Variants in RABGAP1 observed in about 807,000 individuals in gnomAD.
RABGAP1 encodes the protein RAB GTPase activating protein 1.
RABGAP1 carries 23 observed loss-of-function variants against 137.6 expected under a neutral mutation model. That is an observed-to-expected ratio of 0.17 (90% CI 0.12 to 0.24). RABGAP1 has a LOEUF of 0.24. RABGAP1 is among the 10% of genes least tolerant of loss of function. The probability of loss-of-function intolerance (pLI) is 1.00; values close to 1 mark genes in which losing one functional copy is unlikely to be tolerated. For missense variants in RABGAP1, 906 were observed against 1,275.8 expected, an observed-to-expected ratio of 0.71 and a Z score of 4.42; for synonymous variants, 451 against 450.7, an observed-to-expected ratio of 1.00 and a Z score of -0.01.
intron 13 of RABGAP1, among the ~76,000 whole-genome samples, chr9:123,041,367 T>A (rs923834201): frequency 1.3e-5 from 2 of 152,220 alleles, no homozygotes; most frequent in Non-Finnish European, 2.9e-5. Flanking sequence ...ATCAGGTAGT[T>A]ATTTTGAATT....
intron 2 of RABGAP1, among the ~76,000 whole-genome samples, chr9:122,974,223 C>T (rs1336853373): frequency 6.6e-6 from 1 of 151,704 alleles, no homozygotes; most frequent in Non-Finnish European, 1.5e-5. Flanking sequence ...TAATTGTTGC[C>T]TAAAGAAGAA....
chr9:123,037,810 A>G (rs999617021), intron 13 of RABGAP1, among the ~76,000 whole-genome samples: 5 of 152,096 alleles, frequency 3.3e-5, no homozygotes, highest in African/African-American at 1.2e-4. Flanking sequence ...TCTGTGTGAT[A>G]TATTTGGAAA....
intron 10 of RABGAP1, among the ~76,000 whole-genome samples, chr9:123,002,396 T>C (rs1837370974): frequency 6.7e-6 from 1 of 149,094 alleles, no homozygotes; most frequent in African/African-American, 2.4e-5. Context: ...GGCCTGAGAA[T>C]AGTTATATAA....
chr9:122,937,789 C>G (rs773790585), upstream of RABGAP1: 1 of 152,218 alleles, frequency 6.6e-6, no homozygotes, highest in Non-Finnish European at 1.5e-5. Flanking sequence ...GTCAGGAGTT[C>G]GAGACCAGCC....
rs1273818695 is a variant in RABGAP1, at chr9:123,070,998, C to A, written c.1983+574C>A. On this transcript the variant is annotated intron_variant, in intron 15 of 25. Transcript: ENST00000373647. This position sits in a 1 kb window ranked among gnomAD's most constrained non-coding sequence, Gnocchi z 4.4. ...TTTTTCTCTTTTCTGCATAAACACA[C>A]ATTTTCTTTTTTACTTAAATTGTTT... 6.6e-6 allele frequency among the ~76,000 whole-genome samples: 1 copy of A among 152,140 alleles called. No individual in the cohort carries two copies.
In RABGAP1 at chr9:123,048,794, C is replaced by G. The variant is rs932686157; in HGVS notation, c.1795-16554C>G. ...TCAGGTAACAGTACTTGAGTATTTC[C>G]TGCTTCTTGGGCCTCTCCATGATGG... is the stretch of plus-strand genomic sequence containing the variant. On this transcript the variant is annotated intron_variant, in intron 13 of 25. Transcript: ENST00000373647. Among the ~76,000 whole-genome samples the G allele has an allele frequency of 1.4e-4, 21 of 152,086 alleles. 2 individuals are homozygous for G.
intron 19 of RABGAP1, among the ~76,000 whole-genome samples, chr9:123,079,956 G>A (rs559566075): frequency 1.4e-4 from 22 of 152,224 alleles, no homozygotes; most frequent in South Asian, 4.1e-4. Flanking sequence ...ACAGGATCTC[G>A]CTTATAAATA....
the RABGAP1 span, among the ~76,000 whole-genome samples, chr9:122,935,437 A>T: frequency 1.3e-5 from 2 of 151,992 alleles, no homozygotes; most frequent in African/African-American, 4.8e-5. Context: ...TCCCGGGTTC[A>T]ATTGATTCTC....
chr9:123,015,753 A>G (rs1307039901), intron 12 of RABGAP1, 117 bp downstream of exon 12: 1 of 611,422 alleles, frequency 1.6e-6, no homozygotes, highest in Non-Finnish European at 2.8e-6. Context: ...CAATGTTTGC[A>G]TTCTGTGATC....
intron 13 of RABGAP1, among the ~76,000 whole-genome samples, chr9:123,057,595 C>T (rs1057097340): frequency 6.6e-6 from 1 of 151,730 alleles, no homozygotes; most frequent in Non-Finnish European, 1.5e-5. Context: ...AGGGGCTCCT[C>T]ACATCCCAGA....
At chr9:123,010,905 G>A (rs543755629) in intron 11 of RABGAP1, among the ~76,000 whole-genome samples, 1 of 151,796 alleles carries the variant, frequency 6.6e-6, no homozygotes, top group Admixed American at 6.6e-5. Flanking sequence ...AATGTGGCTT[G>A]CACACATGAC....
At chr9:123,023,502 A>G (rs185667109) in intron 13 of RABGAP1, among the ~76,000 whole-genome samples, 72 of 152,248 alleles carry the variant, frequency 4.7e-4, no homozygotes, top group African/African-American at 1.7e-3. Flanking sequence ...ATTTAAATGC[A>G]TTTATACAGT....
At chr9:123,046,349 G>A (rs981745965) in intron 13 of RABGAP1, among the ~76,000 whole-genome samples, 2 of 152,170 alleles carry the variant, frequency 1.3e-5, no homozygotes, top group African/African-American at 4.8e-5. Flanking sequence ...GTCTTATGCA[G>A]AAAATACAAT....
intron 13 of RABGAP1, among the ~76,000 whole-genome samples, chr9:123,055,144 T>C (rs1265396195): frequency 6.6e-6 from 1 of 152,240 alleles, no homozygotes; most frequent in Non-Finnish European, 1.5e-5. Context: ...CCTCCATTTA[T>C]TTATTCAATC....
At chr9:123,043,024 A>C (rs2033026450) in intron 13 of RABGAP1, among the ~76,000 whole-genome samples, 1 of 152,310 alleles carries the variant, frequency 6.6e-6, no homozygotes, top group Non-Finnish European at 1.5e-5. Flanking sequence ...TAATAGCTTC[A>C]GAATTTTGAG....
At chr9:123,075,375 A>G (rs2034479000) in intron 17 of RABGAP1, among the ~76,000 whole-genome samples, 1 of 152,164 alleles carries the variant, frequency 6.6e-6, no homozygotes, top group South Asian at 2.1e-4. Flanking sequence ...TTTAAATTTC[A>G]TATACTTGAA....
At chr9:122,993,402 G>A (rs1287091858) in intron 6 of RABGAP1, among the ~76,000 whole-genome samples, 3 of 152,020 alleles carry the variant, frequency 2.0e-5, no homozygotes, top group Admixed American at 2.0e-4. Context: ...CTCCCGAGTA[G>A]CTGGAATTAT....
chr9:123,034,804 G>A, intron 13 of RABGAP1: 1 of 1,613,918 alleles, frequency 6.2e-7, no homozygotes, highest in Non-Finnish European at 8.5e-7. Flanking sequence ...TTTTGTTGGG[G>A]TGAGCTGCGT....
upstream of RABGAP1, among the ~76,000 whole-genome samples, chr9:122,936,739 A>G (rs1350831899): frequency 6.6e-6 from 1 of 152,234 alleles, no homozygotes; most frequent in African/African-American, 2.4e-5. Flanking sequence ...TTTTAAAAGA[A>G]TAGCACCTGT....
Sources: gnomAD v4.1 joint callset for allele counts (sites outside exome capture counted in the v4.1 genomes callset) on GRCh38, gnomAD v4.1.1 for gene constraint, Gnocchi (gnomAD v3.1) non-coding constraint, MANE v1.5 for transcripts, NCBI Gene and HGNC (gene_info 2026-07-23, HGNC 2026-07-21) for gene names.